HDAC8: variants seen among roughly 807,000 people sequenced by gnomAD.
The protein encoded by HDAC8 is histone deacetylase 8.
In HDAC8, 1 loss-of-function variant was observed where a neutral mutation model predicts 32.2. The ratio of observed to expected loss-of-function variants is 0.03; its 90% CI spans 0.01 to 0.15. The LOEUF is 0.15. HDAC8 is among the 10% of genes least tolerant of loss of function. The pLI is 1.00. For missense variants in HDAC8, 117 were observed against 300.0 expected (o/e 0.39, Z 4.51); for synonymous variants, 108 against 113.9 (o/e 0.95, Z 0.33).
At chrX:72,542,249 C>A (rs782396038) in intron 4 of HDAC8, among the ~76,000 whole-genome samples, 1 of 112,181 alleles carries the variant, frequency 8.9e-6, no homozygotes, top group East Asian at 2.8e-4. Flanking sequence ...GTAGAGTGAT[C>A]CAGCTGATCT....
intron 9 of HDAC8, among the ~76,000 whole-genome samples, chrX:72,408,375 T>C (rs1301050785): frequency 5.4e-5 from 6 of 111,185 alleles, no homozygotes; most frequent in African/African-American, 2.0e-4. Context: ...GGGAGTTACT[T>C]ATGTGAACAT....
rs5912128 is a variant in HDAC8, at chrX:72,389,139, T to G, written c.1006-37301A>C. Among the ~76,000 whole-genome samples, 285 of 111,632 alleles carry G rather than the reference T, an allele frequency of 2.6e-3. 2 individuals are homozygous for G. The highest frequency in any genetic ancestry group is 4.3e-3 in the Non-Finnish European group (229 of 53,141). On this transcript the variant is annotated intron_variant, in intron 9 of 10. Transcript: ENST00000373573. ...CCTAGAAGTCATGGATCATGCCTCTTAAATCACCAGAAGCACCTAAACCAA... is the reference window on the plus strand; with the variant it reads ...CCTAGAAGTCATGGATCATGCCTCTGAAATCACCAGAAGCACCTAAACCAA...
At chrX:72,461,003 C>T (rs1555991523) in intron 9 of HDAC8, among the ~76,000 whole-genome samples, 1 of 111,707 alleles carries the variant, frequency 9.0e-6, no homozygotes, top group Non-Finnish European at 1.9e-5. Flanking sequence ...CATATTGTAC[C>T]TCACCTGAGG....
At chrX:72,386,285 TA>T (rs1297458036) in intron 9 of HDAC8, among the ~76,000 whole-genome samples, 1 of 111,499 alleles carries the variant, frequency 9.0e-6, no homozygotes, top group Non-Finnish European at 1.9e-5. Flanking sequence ...TTGTCCCAAT[TA>T]AAAAAAATCA....
At chrX:72,409,092 A>T (rs1222210278) in intron 9 of HDAC8, among the ~76,000 whole-genome samples, 1 of 112,039 alleles carries the variant, frequency 8.9e-6, no homozygotes, top group African/African-American at 3.2e-5. Context: ...CGTGACTCAA[A>T]CTCAAATTGC....
At position 72,568,153 on chromosome X, in the gene HDAC8, G is replaced by A. The variant is rs1410961616; in HGVS notation, c.296-123C>T. On this transcript the variant is annotated intron_variant, in intron 3 of 10. Transcript: ENST00000373573. ...CTGTGCTAATATCAGCTCCAACTGA[G>A]ACAGAAACAACTCCAATGTTGGGGA... 5 of 540,067 alleles carry A rather than the reference G, an allele frequency of 9.3e-6. No homozygotes were observed. In the East Asian group the frequency reaches 1.8e-4, roughly 19 times the overall value. 44.5% of individuals were successfully genotyped at this position (540,067 alleles called of 1,213,427 possible).
rs782201647 is a variant in HDAC8 at position 72,433,000 on chromosome X, G to A, written c.1005+29004C>T. 2.7e-5 allele frequency among the ~76,000 whole-genome samples: 3 copies of A among 111,925 alleles called. No homozygotes were observed. The East Asian group carries it at 8.4e-4, about 31-fold the overall frequency. ...CAGCTAGTAATTTAATTGTTGAGAC[G>A]AATTCATCTTGCTCAACCCAGTTGA... is the stretch of plus-strand genomic sequence containing the variant. On this transcript the variant is annotated intron_variant, in intron 9 of 10. Coordinates refer to ENST00000373573, the MANE Select transcript of HDAC8 (RefSeq NM_018486.3).
chrX:72,488,362 A>T (rs960809176), intron 7 of HDAC8, among the ~76,000 whole-genome samples: 1 of 109,378 alleles, frequency 9.1e-6, no homozygotes, highest in African/African-American at 3.3e-5. Context: ...CCCCCATTCC[A>T]TAAGGCTTTT....
intron 4 of HDAC8, among the ~76,000 whole-genome samples, chrX:72,498,993 G>A (rs902192393): frequency 2.3e-4 from 25 of 110,543 alleles, no homozygotes; most frequent in Non-Finnish European, 4.5e-4. Flanking sequence ...GAGTTCCCCT[G>A]GGAGCTGGTT....
At chrX:72,493,524 A>T (rs1556011122) in intron 5 of HDAC8, among the ~76,000 whole-genome samples, 1 of 111,752 alleles carries the variant, frequency 8.9e-6, no homozygotes, top group Non-Finnish European at 1.9e-5. Flanking sequence ...TTTGAGAACC[A>T]CTGCTGTAGG....
At chrX:72,387,133 G>T (rs1555961745) in intron 9 of HDAC8, among the ~76,000 whole-genome samples, 1 of 112,424 alleles carries the variant, frequency 8.9e-6, no homozygotes, top group Non-Finnish European at 1.9e-5. Flanking sequence ...ATATTAGAGG[G>T]CACACACTCA....
intron 4 of HDAC8, among the ~76,000 whole-genome samples, chrX:72,517,790 T>C (rs2049853472): frequency 8.9e-6 from 1 of 112,173 alleles, no homozygotes; most frequent in African/African-American, 3.2e-5. Context: ...TCTATCCATA[T>C]GCCAGGACCA....
At chrX:72,432,193 CA>C (rs2046838559) in intron 9 of HDAC8, among the ~76,000 whole-genome samples, 1 of 110,380 alleles carries the variant, frequency 9.1e-6, no homozygotes, top group Admixed American at 9.6e-5. Flanking sequence ...AGGCTAATCT[CA>C]AACTCCTGGG....
intron 9 of HDAC8, among the ~76,000 whole-genome samples, chrX:72,403,652 C>T (rs1224794751): frequency 4.5e-5 from 5 of 111,341 alleles, no homozygotes; most frequent in Admixed American, 2.9e-4. Flanking sequence ...TATGGTGAAA[C>T]GCCGTCTCTA....
chrX:72,485,700 A>G (rs782708353), intron 7 of HDAC8, among the ~76,000 whole-genome samples: 2 of 112,183 alleles, frequency 1.8e-5, no homozygotes, highest in African/African-American at 6.5e-5. Context: ...GGAGCAATTT[A>G]TGAGCAAACT....
chrX:72,411,440 A>T (rs1406457916), intron 9 of HDAC8, among the ~76,000 whole-genome samples: 5 of 112,086 alleles, frequency 4.5e-5, no homozygotes, highest in East Asian at 2.8e-4. Flanking sequence ...CAGAGGGGGA[A>T]GTTCTGACCT....
chrX:72,537,292 A>G (rs2050562242), intron 4 of HDAC8, among the ~76,000 whole-genome samples: 1 of 112,000 alleles, frequency 8.9e-6, no homozygotes, highest in Non-Finnish European at 1.9e-5. Flanking sequence ...TGTTGAGCCT[A>G]TTCCAAAGTT....
At chrX:72,447,346 A>G (rs1016066831) in intron 9 of HDAC8, among the ~76,000 whole-genome samples, 1 of 112,376 alleles carries the variant, frequency 8.9e-6, no homozygotes, top group African/African-American at 3.2e-5. Flanking sequence ...CCACATGATT[A>G]TCTCAATAGA....
intron 4 of HDAC8, among the ~76,000 whole-genome samples, chrX:72,551,753 C>T (rs1483945465): frequency 8.9e-6 from 1 of 112,216 alleles, no homozygotes; most frequent in African/African-American, 3.2e-5. Context: ...TCAGCCCTCC[C>T]TAAAATTCTT....
Sources: gnomAD v4.1 joint callset for allele counts (sites outside exome capture counted in the v4.1 genomes callset) on GRCh38, gnomAD v4.1.1 for gene constraint, MANE v1.5 for transcripts, NCBI Gene and HGNC (gene_info 2026-07-23, HGNC 2026-07-21) for gene names.